Variants in USP37 observed in about 807,000 individuals in gnomAD.
The protein encoded by USP37 is ubiquitin specific peptidase 37.
USP37 carries 27 observed loss-of-function variants against 124.0 expected under a neutral mutation model. The ratio of observed to expected loss-of-function variants is 0.22; its 90% CI spans 0.16 to 0.30. USP37 has a LOEUF of 0.30. USP37 is among the 10% of genes least tolerant of loss of function. The pLI is 1.00. For synonymous variants in USP37, 365 were observed against 388.0 expected (o/e 0.94, Z 0.70); for missense variants, 889 against 1,140.4 (o/e 0.78, Z 3.17).
intron 25 of USP37, 57 bp from the exon 26 acceptor site, chr2:218,455,074 A>C (rs1574827434): frequency 6.3e-7 from 1 of 1,596,644 alleles, no homozygotes; most frequent in East Asian, 2.2e-5. Flanking sequence ...GAACCAAAGA[A>C]TAGGCAGGAG....
At position 218,510,040 on chromosome 2, in the gene USP37, A is replaced by G. The variant is rs1200154056; in HGVS notation, c.964T>C (p.Tyr322His). The G allele has an allele frequency of 6.2e-7, 1 of 1,612,460 alleles. No individual in the cohort carries two copies. The highest frequency in any genetic ancestry group is 8.5e-7 in the Non-Finnish European group (1 of 1,179,364). Reference protein sequence around the residue: ...SVKKLRCNQDYTGWNKPRVPL... With the variant: ...SVKKLRCNQDHTGWNKPRVPL... ...ACTCTTGGTTTATTCCAGCCAGTGT[A>G]ATCCTGGTTACACCTCAGTTTTTTA... The change falls in exon 11 of 26, where the codon TAC becomes CAC. Residue 322 changes from tyrosine to histidine, a missense_variant. This residue lies in a region of USP37 where 374 missense variants were observed against 386.0 expected (regional missense o/e 0.97). Coordinates refer to ENST00000258399, the MANE Select transcript of USP37 (RefSeq NM_020935.3).
At chr2:218,548,155 C>T (rs1692468312) in intron 6 of USP37, among the ~76,000 whole-genome samples, 1 of 152,140 alleles carries the variant, frequency 6.6e-6, no homozygotes, top group Admixed American at 6.6e-5. Flanking sequence ...TGATAAGTCT[C>T]ACTATGACCA....
intron 8 of USP37, among the ~76,000 whole-genome samples, chr2:218,538,128 G>A (rs1275477807): frequency 6.6e-6 from 1 of 152,144 alleles, no homozygotes; most frequent in African/African-American, 2.4e-5. Flanking sequence ...AATAAACCTG[G>A]GCCTGATTAA....
At chr2:218,531,457 T>C (rs1691317329) in intron 9 of USP37, among the ~76,000 whole-genome samples, 2 of 152,348 alleles carry the variant, frequency 1.3e-5, no homozygotes, top group East Asian at 3.9e-4. Flanking sequence ...TCCTTGACAA[T>C]GCACCTAGTA....
At chr2:218,495,194 T>G (rs1559184998) in intron 14 of USP37, among the ~76,000 whole-genome samples, 1 of 152,182 alleles carries the variant, frequency 6.6e-6, no homozygotes, top group Admixed American at 6.6e-5. Flanking sequence ...CAAGCTGGAG[T>G]GCAGTGGCGT....
At chr2:218,524,260 T>G (rs938602546) in intron 10 of USP37, among the ~76,000 whole-genome samples, 5 of 152,198 alleles carry the variant, frequency 3.3e-5, no homozygotes, top group African/African-American at 4.8e-5. Context: ...CTAGATTAGT[T>G]ATGTAGCCTT....
At chr2:218,513,497 CATA>C (rs772941381) in intron 10 of USP37, among the ~76,000 whole-genome samples, 7 of 152,242 alleles carry the variant, frequency 4.6e-5, no homozygotes, top group Non-Finnish European at 5.9e-5. Flanking sequence ...AGATAGTGAA[CATA>C]TCTATTACTC....
intron 14 of USP37, among the ~76,000 whole-genome samples, chr2:218,489,780 A>G (rs1691819157): frequency 6.6e-6 from 1 of 152,070 alleles, no homozygotes; most frequent in Non-Finnish European, 1.5e-5. Flanking sequence ...ACCTGGTCCC[A>G]AAAGACAATT....
chr2:218,558,459 C>A, intron 4 of USP37, 39 bp downstream of exon 4: 1 of 1,573,006 alleles, frequency 6.4e-7, no homozygotes, highest in Non-Finnish European at 8.6e-7. Context: ...ACTAAATGAT[C>A]TGCTTCAAGA....
intron 11 of USP37, among the ~76,000 whole-genome samples, chr2:218,509,596 A>T (rs1422917983): frequency 6.6e-6 from 1 of 152,048 alleles, no homozygotes; most frequent in African/African-American, 2.4e-5. Flanking sequence ...AAAAAAATTT[A>T]AAAGATAGCT....
Position 218,495,773 on chromosome 2 carries a change from T to G in USP37, c.1459A>C (p.Ile487Leu). 6.2e-7 allele frequency: 1 copy of G among 1,610,124 alleles called. No individual in the cohort carries two copies. The highest frequency in any genetic ancestry group is 8.5e-7 in the Non-Finnish European group (1 of 1,179,200). ...TNLEFEVQHSIICKACGEIIP... is the reference protein window; with the variant it reads ...TNLEFEVQHSLICKACGEIIP... ...GACACTACTTACGCTTTACAAATGA[T>G]GGAGTGCTGAACCTCAAACTCCAAA... Residue 487 changes from isoleucine to leucine, a missense_variant, in exon 14 of 26, where the codon ATC (isoleucine) becomes CTC (leucine). Physicochemically the swap from Ile to Leu is conservative, Grantham distance 5 (BLOSUM62 2). This residue lies in a region of USP37 where 504 missense variants were observed against 714.3 expected (regional missense o/e 0.71). Transcript: ENST00000258399.
chr2:218,478,944 C>G (rs1691108475), intron 18 of USP37, among the ~76,000 whole-genome samples: 1 of 152,048 alleles, frequency 6.6e-6, no homozygotes, highest in Non-Finnish European at 1.5e-5. Context: ...CCCCCAAAAG[C>G]CCTTAAACAA....
chr2:218,495,086 A>G (rs913164595), intron 14 of USP37, among the ~76,000 whole-genome samples: 2 of 152,218 alleles, frequency 1.3e-5, no homozygotes, highest in Non-Finnish European at 2.9e-5. Context: ...AGGCAATACT[A>G]AAGTGTATAA....
At chr2:218,529,917 A>G in intron 10 of USP37, 39 bp downstream of exon 10, 1 of 1,493,550 alleles carries the variant, frequency 6.7e-7, no homozygotes, top group East Asian at 2.3e-5. Context: ...AAAAAAAAGA[A>G]CTCCTAAGTT....
At position 218,561,636 on chromosome 2, in the gene USP37, G is replaced by A. The variant is rs1483174058; in HGVS notation, c.-88-753C>T. Among the ~76,000 whole-genome samples the A allele has an allele frequency of 3.5e-5, 5 of 142,638 alleles. No individual in the cohort carries two copies. The East Asian group carries it at 1.1e-3, about 30-fold the overall frequency. The allele number at this position is 142,638 out of a possible 152,430, so 93.6% of individuals were successfully genotyped here. ...TCATACCACTGCACTCCAGCCTGGA[G>A]CCAGACTCTGTCTCAGAAAAAAAAA... On this transcript the variant is annotated intron_variant, in intron 2 of 25. Transcript: ENST00000258399.
Position 218,476,910 on chromosome 2 carries a change from C to T in USP37, c.1973G>A (p.Arg658His), listed in dbSNP as rs371801448. The change falls in exon 19 of 26, where the codon CGT becomes CAT. Residue 658 changes from arginine to histidine, a missense_variant. This residue lies in a region of USP37 where 504 missense variants were observed against 714.3 expected (regional missense o/e 0.71). Coordinates refer to ENST00000258399, the MANE Select transcript of USP37 (RefSeq NM_020935.3). ...LDSDSEDELK[R>H]SVALSQRLCE... ...AAGTCTCTGGCTGAGGGCCACAGAA[C>T]GTTTTAGCTCATCCTCACTGTCTGA... 2.1e-5 allele frequency: 33 copies of T among 1,609,428 alleles called. No individual in the cohort carries two copies. Among genetic ancestry groups the T allele is most frequent in the East Asian group, 2.2e-5 (1 of 44,556 alleles).
At chr2:218,483,384 T>C (rs949027163) in intron 16 of USP37, among the ~76,000 whole-genome samples, 5 of 152,140 alleles carry the variant, frequency 3.3e-5, no homozygotes, top group African/African-American at 1.2e-4. Flanking sequence ...ACAGATTTGA[T>C]AATGGCATCA....
At chr2:218,491,596 C>G (rs564215394) in intron 14 of USP37, among the ~76,000 whole-genome samples, 1 of 152,286 alleles carries the variant, frequency 6.6e-6, no homozygotes, top group Admixed American at 6.5e-5. Context: ...ATTTCTTACA[C>G]AGCACTGAAA....
chr2:218,547,078 C>G lies in USP37; in HGVS notation c.443G>C (p.Arg148Thr). The change falls in exon 7 of 26, where the codon AGA (arginine) becomes ACA (threonine). Residue 148 changes from arginine to threonine, a missense_variant. Physicochemically the swap from Arg to Thr is moderately conservative, Grantham distance 71. Around this residue, in one of 3 missense-constraint regions of USP37, gnomAD observed 374 missense variants for 386.0 expected, o/e 0.97. Transcript: ENST00000258399. ...ATCATCTTTAGTTTCCAAACTTCCT[C>G]TTTTTGCAGAAGCCTGTAAAAATAA... is the stretch of plus-strand genomic sequence containing the variant. Reference protein sequence around the residue: ...SYSDNQASAKRGSLETKDDIP... With the variant: ...SYSDNQASAKTGSLETKDDIP... The G allele has an allele frequency of 6.3e-7, 1 of 1,595,902 alleles. No individual in the cohort carries two copies.
Sources: allele counts gnomAD v4.1 joint callset (sites outside exome capture counted in the v4.1 genomes callset), GRCh38; gene constraint gnomAD v4.1.1; regional missense constraint gnomAD v4.1.1; transcripts MANE v1.5; gene names NCBI Gene and HGNC (gene_info 2026-07-23, HGNC 2026-07-21).